PRND: variants seen among roughly 807,000 people sequenced by gnomAD.
PRND encodes the protein prion like protein doppel, also known as prion-like protein doppel.
For missense variants in PRND, 227 were observed against 223.3 expected, an observed-to-expected ratio of 1.02 and a Z score of -0.11; for synonymous variants, 94 against 93.2, an observed-to-expected ratio of 1.01 and a Z score of -0.05.
At chr20:4,722,847 C>A (rs749020314) in intron 1 of PRND, among the ~76,000 whole-genome samples, 48 of 152,198 alleles carry the variant, frequency 3.2e-4, no homozygotes, top group South Asian at 2.1e-4. Flanking sequence ...AATGCCCTGA[C>A]AGTCGGCCTT....
rs929724626 is a variant in PRND at position 4,727,070 on chromosome 20, C to T, written c.*1988C>T. 19 of 166,956 alleles carry T rather than the reference C, an allele frequency of 1.1e-4. No individual in the cohort carries two copies. Among genetic ancestry groups the T allele is most frequent in the African/African-American group, 4.3e-4 (18 of 41,404 alleles). The allele number at this position is 166,956 out of a possible 1,614,324, so 10.3% of individuals were successfully genotyped here. On this transcript the variant is annotated 3_prime_UTR_variant, in exon 2 of 2. Transcript: ENST00000305817. ...CTAATTAAAAAAATAATAACCATGG[C>T]AAGAGAGAAAGAAAGAGAAAGTACT...
In PRND at chr20:4,726,384, A is replaced by G. The variant is rs1038903781; in HGVS notation, c.*1302A>G. On this transcript the variant is annotated 3_prime_UTR_variant, in exon 2 of 2. Coordinates refer to ENST00000305817, the MANE Select transcript of PRND (RefSeq NM_012409.4). ...ATGAAGGCCATCATCTCTGTAAACC[A>G]CTTGTCACTACAAAAATACAATTAC... 6.0e-6 allele frequency: 1 copy of G among 166,892 alleles called. No individual in the cohort carries two copies. Among genetic ancestry groups the G allele is most frequent in the African/African-American group, 2.4e-5 (1 of 41,382 alleles). 10.3% of individuals were successfully genotyped at this position (166,892 alleles called of 1,614,324 possible).
chr20:4,724,984 T>C lies in PRND; in HGVS notation c.433T>C (p.Cys145Arg). 6.2e-7 allele frequency: 1 copy of C among 1,613,834 alleles called. No individual in the cohort carries two copies. Among genetic ancestry groups the C allele is most frequent in the Non-Finnish European group, 8.5e-7 (1 of 1,179,926 alleles). ...LVQELCSLKH[C>R]EFWLERGAGL... The stretch of plus-strand genomic sequence containing the variant: ...CCAGGAGCTCTGCTCCCTCAAGCAT[T>C]GCGAGTTTTGGTTGGAGAGGGGCGC... Residue 145 changes from cysteine to arginine, a missense_variant, in exon 2 of 2, where the codon TGC becomes CGC. By Grantham distance (180) the Cys-to-Arg change is radical. Transcript: ENST00000305817. This position sits in a 1 kb window ranked among gnomAD's most constrained non-coding sequence, Gnocchi z 4.8.
chr20:4,725,089 C>T lies in PRND; in HGVS notation c.*7C>T, dbSNP rs1193097493. The stretch of plus-strand genomic sequence containing the variant: ...CTGGCTCACGGTGAAATAAGCTTGC[C>T]AGGAGGCTGGCAGTACAGAGTGCAG... On this transcript the variant is annotated 3_prime_UTR_variant, in exon 2 of 2. Coordinates refer to ENST00000305817, the MANE Select transcript of PRND (RefSeq NM_012409.4). The T allele has an allele frequency of 6.2e-7, 1 of 1,611,888 alleles. No individual in the cohort carries two copies. The highest frequency in any genetic ancestry group is 8.5e-7 in the Non-Finnish European group (1 of 1,179,398).
At chr20:4,723,705 T>C (rs1252294704) in intron 1 of PRND, among the ~76,000 whole-genome samples, 3 of 152,052 alleles carry the variant, frequency 2.0e-5, no homozygotes, top group Non-Finnish European at 2.9e-5. Flanking sequence ...TCTCAGCACT[T>C]TGGGAGGCTG....
chr20:4,722,607 G>A (rs1333821555), intron 1 of PRND, among the ~76,000 whole-genome samples: 1 of 151,898 alleles, frequency 6.6e-6, no homozygotes, highest in African/African-American at 2.4e-5. Context: ...GGAGCAATGT[G>A]GCATCAGAGT....
In PRND at chr20:4,725,787, T is replaced by A. The variant is rs1923244907; in HGVS notation, c.*705T>A. The A allele has an allele frequency of 6.0e-6, 1 of 166,562 alleles. No individual in the cohort carries two copies. Among genetic ancestry groups the A allele is most frequent in the African/African-American group, 2.4e-5 (1 of 41,272 alleles). 10.3% of individuals were successfully genotyped at this position (166,562 alleles called of 1,614,324 possible). A position where few individuals can be genotyped will look rare whatever the true frequency, so the allele number is the denominator to read the frequency against. ...GCCCAGAAATCATACTGTAAGGAAA[T>A]GTTATTGGAAGCTGATTCCCAGAGC... On this transcript the variant is annotated 3_prime_UTR_variant, in exon 2 of 2. Transcript: ENST00000305817.
chr20:4,725,075 T>C lies in PRND; in HGVS notation c.524T>C (p.Val175Ala). Residue 175 changes from valine to alanine, a missense_variant, in exon 2 of 2, where the codon GTG (valine) becomes GCG (alanine). By Grantham distance (64) the Val-to-Ala change is moderately conservative (BLOSUM62 0). Transcript: ENST00000305817. ...CTTCTGGCTTTGATCTGGCTCACGGTGAAATAAGCTTGCCAGGAGGCTGGC... is the reference window on the plus strand; with the variant it reads ...CTTCTGGCTTTGATCTGGCTCACGGCGAAATAAGCTTGCCAGGAGGCTGGC... Reference protein sequence around the residue: ...LCLLALIWLTVK With the variant: ...LCLLALIWLTAK 1 of 1,612,502 alleles carries C rather than the reference T, an allele frequency of 6.2e-7. No individual in the cohort carries two copies. Among genetic ancestry groups the C allele is most frequent in the South Asian group, 1.1e-5 (1 of 90,928 alleles).
chr20:4,722,793 C>G (rs1923141372), intron 1 of PRND, among the ~76,000 whole-genome samples: 1 of 152,076 alleles, frequency 6.6e-6, no homozygotes, highest in Non-Finnish European at 1.5e-5. Context: ...TATGGGAACT[C>G]CTTCCATTTC....
chr20:4,724,425 C>A lies in PRND; in HGVS notation c.-11-116C>A. 1 of 1,320,750 alleles carries A rather than the reference C, an allele frequency of 7.6e-7. No homozygotes were observed. 81.8% of individuals were successfully genotyped at this position (1,320,750 alleles called of 1,614,324 possible). On this transcript the variant is annotated intron_variant, in intron 1 of 1. Coordinates refer to ENST00000305817, the MANE Select transcript of PRND (RefSeq NM_012409.4). The surrounding 1 kb of genome is among the most constrained non-coding windows in gnomAD (Gnocchi z 4.8). ...TGGGGAAACAATTATGCTTTTGAGACCACATAAATAGCACAAGGATGCGAT... is the reference window on the plus strand; with the variant it reads ...TGGGGAAACAATTATGCTTTTGAGAACACATAAATAGCACAAGGATGCGAT...
In PRND at chr20:4,725,111, G is replaced by T; in HGVS notation, c.*29G>T. ...TGCCAGGAGGCTGGCAGTACAGAGTGCAGCAGCGAGCAAATCCTGGCAAGT... is the reference window on the plus strand; with the variant it reads ...TGCCAGGAGGCTGGCAGTACAGAGTTCAGCAGCGAGCAAATCCTGGCAAGT... On this transcript the variant is annotated 3_prime_UTR_variant, in exon 2 of 2. Coordinates refer to ENST00000305817, the MANE Select transcript of PRND (RefSeq NM_012409.4). The T allele has an allele frequency of 6.3e-7, 1 of 1,597,664 alleles. No individual in the cohort carries two copies. Among genetic ancestry groups the T allele is most frequent in the Non-Finnish European group, 8.5e-7 (1 of 1,172,014 alleles).
chr20:4,723,936 A>ATGTG (rs1568542391), intron 1 of PRND, among the ~76,000 whole-genome samples: 1 of 104,778 alleles, frequency 9.5e-6, no homozygotes, highest in Non-Finnish European at 1.9e-5. Flanking sequence ...TGTCTCTAAA[A>ATGTG]TATGTGTGTG....
chr20:4,725,269 G>A lies in PRND; in HGVS notation c.*187G>A. On this transcript the variant is annotated 3_prime_UTR_variant, in exon 2 of 2. Transcript: ENST00000305817. The stretch of plus-strand genomic sequence containing the variant: ...TGCGTTCTGATAGATGGGGGACTGT[G>A]GCTTCTCCGTCACTCCATTCTCAGC... 1 of 700,800 alleles carries A rather than the reference G, an allele frequency of 1.4e-6. No homozygotes were observed. The highest frequency in any genetic ancestry group is 2.4e-6 in the Non-Finnish European group (1 of 415,202). The allele number at this position is 700,800 out of a possible 1,614,324, so 43.4% of individuals were successfully genotyped here.
rs574937254 is a variant in PRND, at chr20:4,725,200, C to A, written c.*118C>A. The A allele has an allele frequency of 1.1e-5, 15 of 1,314,778 alleles. No homozygotes were observed. Among genetic ancestry groups the A allele is most frequent in the African/African-American group, 4.5e-5 (3 of 67,378 alleles). The allele number at this position is 1,314,778 out of a possible 1,614,324, so 81.4% of individuals were successfully genotyped here. On this transcript the variant is annotated 3_prime_UTR_variant, in exon 2 of 2. Coordinates refer to ENST00000305817, the MANE Select transcript of PRND (RefSeq NM_012409.4). ...AGGTGCCCAGGAGCGGCGATGCACT[C>A]GCACTGCAAATGCCGCTCTCACGTA...
In PRND at chr20:4,726,555, T is replaced by G. The variant is rs1234198056; in HGVS notation, c.*1473T>G. 1 of 167,112 alleles carries G rather than the reference T, an allele frequency of 6.0e-6. No individual in the cohort carries two copies. Among genetic ancestry groups the G allele is most frequent in the Non-Finnish European group, 1.5e-5 (1 of 68,120 alleles). 10.4% of individuals were successfully genotyped at this position (167,112 alleles called of 1,614,324 possible). The stretch of plus-strand genomic sequence containing the variant: ...TATGAGTAATGTTTAAGATCTGTTT[T>G]AAATTTAAAACAATGAATTGAATGC... On this transcript the variant is annotated 3_prime_UTR_variant, in exon 2 of 2. Coordinates refer to ENST00000305817, the MANE Select transcript of PRND (RefSeq NM_012409.4).
Position 4,726,742 on chromosome 20 carries a change from G to T in PRND, c.*1660G>T, listed in dbSNP as rs2735675. 76,026 of 166,948 alleles carry T rather than the reference G, an allele frequency of 0.46. 17,375 individuals carry two copies. The highest frequency in any genetic ancestry group is 0.54 in the South Asian group (2,616 of 4,828). 10.3% of individuals were successfully genotyped at this position (166,948 alleles called of 1,614,324 possible). On this transcript the variant is annotated 3_prime_UTR_variant, in exon 2 of 2. Transcript: ENST00000305817. Reference sequence around the variant, plus strand: ...TATCAGACAATTTATCCAAAGCATTGCAGAACATGAGTGCTGATGAGGGCA... The same window carrying T: ...TATCAGACAATTTATCCAAAGCATTTCAGAACATGAGTGCTGATGAGGGCA...
chr20:4,724,562 A>G lies in PRND; in HGVS notation c.11A>G (p.His4Arg), dbSNP rs1601038187. 6.2e-7 allele frequency: 1 copy of G among 1,613,834 alleles called. No individual in the cohort carries two copies. Among genetic ancestry groups the G allele is most frequent in the African/African-American group, 1.3e-5 (1 of 74,920 alleles). Residue 4 changes from histidine (H) to arginine (R), a missense_variant, in exon 2 of 2, where the codon CAC becomes CGC. Physicochemically the swap from His to Arg is conservative, Grantham distance 29 (BLOSUM62 0). Coordinates refer to ENST00000305817, the MANE Select transcript of PRND (RefSeq NM_012409.4). The surrounding 1 kb of genome is among the most constrained non-coding windows in gnomAD (Gnocchi z 4.8). ...GCAGGTTCTGACGCGATGAGGAAGC[A>G]CCTGAGCTGGTGGTGGCTGGCCACT... MRK[H>R]LSWWWLATVC...
rs556126564 is a variant in PRND, at chr20:4,725,163, C to T, written c.*81C>T. The T allele has an allele frequency of 1.6e-4, 251 of 1,531,206 alleles. 4 individuals carry two copies. In the South Asian group the frequency reaches 2.0e-3, roughly 12 times the overall value. The allele number at this position is 1,531,206 out of a possible 1,614,324, so 94.9% of individuals were successfully genotyped here. A position where few individuals can be genotyped will look rare whatever the true frequency, so the allele number is the denominator to read the frequency against. On this transcript the variant is annotated 3_prime_UTR_variant, in exon 2 of 2. Coordinates refer to ENST00000305817, the MANE Select transcript of PRND (RefSeq NM_012409.4). ...ACCCAGCTCTTCTCCCCCAAACCCACGCGTGTTCTGAAGGTGCCCAGGAGC... is the reference window on the plus strand; with the variant it reads ...ACCCAGCTCTTCTCCCCCAAACCCATGCGTGTTCTGAAGGTGCCCAGGAGC...
Position 4,724,793 on chromosome 20 carries a change from A to G in PRND, c.242A>G (p.Asn81Ser), listed in dbSNP as rs777683104. 1 of 1,614,120 alleles carries G rather than the reference A, an allele frequency of 6.2e-7. No homozygotes were observed. The highest frequency in any genetic ancestry group is 8.5e-7 in the Non-Finnish European group (1 of 1,180,056). Residue 81 changes from asparagine to serine, a missense_variant, in exon 2 of 2, where the codon AAC (asparagine) becomes AGC (serine). Asn to Ser is a conservative substitution (Grantham distance 46). Coordinates refer to ENST00000305817, the MANE Select transcript of PRND (RefSeq NM_012409.4). This position sits in a 1 kb window ranked among gnomAD's most constrained non-coding sequence, Gnocchi z 4.8. ...GAEGNRYYEA[N>S]YWQFPDGIHY... ...GAGGGCAACAGGTACTACGAGGCCA[A>G]CTACTGGCAGTTCCCCGATGGCATC...
Sources: gnomAD v4.1 joint callset for allele counts (sites outside exome capture counted in the v4.1 genomes callset) on GRCh38, gnomAD v4.1.1 for gene constraint, Gnocchi (gnomAD v3.1) non-coding constraint, MANE v1.5 for transcripts, NCBI Gene and HGNC (gene_info 2026-07-23, HGNC 2026-07-21) for gene names.